The following EEPD1 variants were observed in gnomAD, a reference collection of about 807,000 sequenced individuals.
EEPD1 encodes endonuclease/exonuclease/phosphatase family domain-containing protein 1.
In EEPD1, 17 loss-of-function variants were observed where a neutral mutation model predicts 46.3. The ratio of observed to expected loss-of-function variants is 0.37; its 90% CI spans 0.25 to 0.55. The LOEUF is 0.55. Ranked by LOEUF, EEPD1 falls within the 20% of genes least tolerant of loss-of-function variation. The probability of loss-of-function intolerance (pLI) is 0.83; values close to 1 mark genes in which losing one functional copy is unlikely to be tolerated. For missense variants in EEPD1, 673 were observed against 745.6 expected, an observed-to-expected ratio of 0.90 and a Z score of 1.13; for synonymous variants, 313 against 315.6, an observed-to-expected ratio of 0.99 and a Z score of 0.09.
At chr7:36,162,872 C>T (rs1285023242) in intron 2 of EEPD1, among the ~76,000 whole-genome samples, 3 of 152,194 alleles carry the variant, frequency 2.0e-5, no homozygotes, top group Admixed American at 2.0e-4. Context: ...GTACGTTGTT[C>T]CCATTGCCAC....
At chr7:36,287,263 A>AAAAAAAAT (rs60199452) in intron 5 of EEPD1, among the ~76,000 whole-genome samples, 1 of 149,994 alleles carries the variant, frequency 6.7e-6, no homozygotes, top group African/African-American at 2.4e-5. Flanking sequence ...AAAAAAAAAA[A>AAAAAAAAT]GTGCTGGAGT....
chr7:36,171,070 C>T (rs898550840), intron 2 of EEPD1, among the ~76,000 whole-genome samples: 1 of 152,092 alleles, frequency 6.6e-6, no homozygotes, highest in African/African-American at 2.4e-5. Flanking sequence ...TACAGGTGTG[C>T]ACCACCACAC....
At chr7:36,235,946 A>T (rs1298444992) in intron 2 of EEPD1, among the ~76,000 whole-genome samples, 4 of 142,194 alleles carry the variant, frequency 2.8e-5, no homozygotes, top group Non-Finnish European at 4.5e-5. Context: ...TTTTTTTGAG[A>T]CAGAGTCTCG....
chr7:36,260,844 A>G (rs1201411076), intron 3 of EEPD1, among the ~76,000 whole-genome samples: 1 of 152,184 alleles, frequency 6.6e-6, no homozygotes, highest in Non-Finnish European at 1.5e-5. Context: ...AAAAACGAAA[A>G]TGTTGCATCT....
At chr7:36,261,855 C>T (rs1234439941) in intron 3 of EEPD1, among the ~76,000 whole-genome samples, 14 of 152,172 alleles carry the variant, frequency 9.2e-5, no homozygotes, top group Admixed American at 9.2e-4. Context: ...TGTCACATTG[C>T]TAACAATGCA....
chr7:36,203,621 C>A (rs1785757505), intron 2 of EEPD1, among the ~76,000 whole-genome samples: 1 of 152,172 alleles, frequency 6.6e-6, no homozygotes, highest in South Asian at 2.1e-4. Context: ...AGGATAGGAA[C>A]ACGGCAATAA....
intron 2 of EEPD1, among the ~76,000 whole-genome samples, chr7:36,191,017 T>TA (rs1785452441): frequency 6.6e-6 from 1 of 152,222 alleles, no homozygotes; most frequent in Non-Finnish European, 1.5e-5. Flanking sequence ...TCTCTAGACT[T>TA]ACAATGATTT....
chr7:36,159,497 T>A (rs1039973386), intron 2 of EEPD1, among the ~76,000 whole-genome samples: 1 of 152,212 alleles, frequency 6.6e-6, no homozygotes, highest in African/African-American at 2.4e-5. Context: ...TTAAATAGCA[T>A]CTGTGTGGCC....
At chr7:36,203,960 CT>C (rs369500845) in intron 2 of EEPD1, among the ~76,000 whole-genome samples, 12,406 of 142,488 alleles carry the variant, frequency 0.087, 527 homozygotes, top group Middle Eastern at 0.14. Flanking sequence ...TTATAAACCA[CT>C]TTTTTTTTTT....
chr7:36,191,917 C>A (rs1000013117), intron 2 of EEPD1, among the ~76,000 whole-genome samples: 4 of 152,176 alleles, frequency 2.6e-5, no homozygotes, highest in East Asian at 1.9e-4. Flanking sequence ...GAGACCCCTG[C>A]TACATGCCCT....
At chr7:36,295,840 G>T (rs1484059006) in intron 6 of EEPD1, among the ~76,000 whole-genome samples, 2 of 152,024 alleles carry the variant, frequency 1.3e-5, no homozygotes, top group Non-Finnish European at 2.9e-5. Flanking sequence ...AGATCAGCCT[G>T]GCCAACATGG....
intron 2 of EEPD1, among the ~76,000 whole-genome samples, chr7:36,159,294 T>G (rs558389504): frequency 3.3e-5 from 5 of 152,352 alleles, no homozygotes; most frequent in African/African-American, 1.2e-4. Flanking sequence ...CCTAGAGTTT[T>G]GGGGCAGGTC....
chr7:36,196,038 G>A (rs1305732040), intron 2 of EEPD1, among the ~76,000 whole-genome samples: 1 of 152,132 alleles, frequency 6.6e-6, no homozygotes, highest in Non-Finnish European at 1.5e-5. Flanking sequence ...AACCTGCACA[G>A]CATGTTACTG....
intron 6 of EEPD1, among the ~76,000 whole-genome samples, chr7:36,290,638 A>C (rs1185401838): frequency 6.6e-6 from 1 of 152,102 alleles, no homozygotes; most frequent in Non-Finnish European, 1.5e-5. Context: ...CCCTAGTGGA[A>C]CCTTCTTCCC....
chr7:36,194,268 G>C (rs183704266), intron 2 of EEPD1, among the ~76,000 whole-genome samples: 1 of 152,308 alleles, frequency 6.6e-6, no homozygotes, highest in East Asian at 1.9e-4. Flanking sequence ...CCAGGTCCAG[G>C]CACCATAAGT....
chr7:36,180,775 G>A (rs889678746), intron 2 of EEPD1, among the ~76,000 whole-genome samples: 3 of 152,000 alleles, frequency 2.0e-5, no homozygotes, highest in Admixed American at 6.5e-5. Flanking sequence ...CTCTGTGCCC[G>A]CTGGGACAGT....
rs148951641 is a variant in EEPD1, at chr7:36,213,579, A to G, written c.879-25406A>G. Reference sequence around the variant, plus strand: ...AGGAGTGGCATAGAGGAGGTCGGAAAGAGCACAGAAGACAGGTCCTTGAGT... The same window carrying G: ...AGGAGTGGCATAGAGGAGGTCGGAAGGAGCACAGAAGACAGGTCCTTGAGT... On this transcript the variant is annotated intron_variant, in intron 2 of 7. Coordinates refer to ENST00000242108, the MANE Select transcript of EEPD1 (RefSeq NM_030636.3). Among the ~76,000 whole-genome samples the G allele has an allele frequency of 2.1e-3, 317 of 152,308 alleles. 1 individual carries two copies. The highest frequency in any genetic ancestry group is 7.3e-3 in the African/African-American group (304 of 41,552).
rs529364427 is a variant in EEPD1 at position 36,268,762 on chromosome 7, G to A, written c.931-12353G>A. On this transcript the variant is annotated intron_variant, in intron 3 of 7. Coordinates refer to ENST00000242108, the MANE Select transcript of EEPD1 (RefSeq NM_030636.3). ...ACCAGGAGAGCACATACAGAGACTTGCTGGGTGCCAGGCCTGTGCTACCTG... is the reference window on the plus strand; with the variant it reads ...ACCAGGAGAGCACATACAGAGACTTACTGGGTGCCAGGCCTGTGCTACCTG... Among the ~76,000 whole-genome samples the A allele has an allele frequency of 6.8e-4, 103 of 152,312 alleles. 1 individual carries two copies. Among genetic ancestry groups the A allele is most frequent in the Non-Finnish European group, 1.4e-3 (92 of 68,026 alleles).
chr7:36,159,788 A>G (rs1246093640), intron 2 of EEPD1, among the ~76,000 whole-genome samples: 1 of 152,218 alleles, frequency 6.6e-6, no homozygotes, highest in African/African-American at 2.4e-5. Flanking sequence ...GGCCAGAGGT[A>G]GAGCCAATCC....
Sources: allele counts gnomAD v4.1 joint callset (sites outside exome capture counted in the v4.1 genomes callset), GRCh38; gene constraint gnomAD v4.1.1; transcripts MANE v1.5; gene names NCBI Gene and HGNC (gene_info 2026-07-23, HGNC 2026-07-21).